GOLGA4: variants seen among roughly 807,000 people sequenced by gnomAD.
The protein encoded by GOLGA4 is golgin A4.
In GOLGA4, 169 loss-of-function variants were observed where a neutral mutation model predicts 265.9. The observed-to-expected ratio is 0.64, with a 90% CI of 0.56 to 0.72. The LOEUF (loss-of-function observed/expected upper bound fraction) is 0.72. Ranked by LOEUF, GOLGA4 falls within the 30% of genes least tolerant of loss-of-function variation. The pLI is 0.00. For missense variants in GOLGA4, 2,482 were observed against 2,483.4 expected (o/e 1.00, Z 0.01); for synonymous variants, 923 against 855.8 (o/e 1.08, Z -1.37).
chr3:37,335,237 C>T, intron 17 of GOLGA4, 71 bp downstream of exon 17: 1 of 791,386 alleles, frequency 1.3e-6, no homozygotes, highest in South Asian at 1.5e-5. Flanking sequence ...GACTAGCCTA[C>T]TAACATACAT....
intron 20 of GOLGA4, among the ~76,000 whole-genome samples, chr3:37,344,348 C>T (rs2097049121): frequency 1.3e-5 from 2 of 152,164 alleles, no homozygotes; most frequent in South Asian, 4.1e-4. Context: ...GTGATCCACC[C>T]GCCTTGGCCT....
intron 20 of GOLGA4, 44 bp downstream of exon 20, chr3:37,340,243 T>C: frequency 1.4e-6 from 1 of 704,270 alleles, no homozygotes. Flanking sequence ...TATCTTTTAT[T>C]GGTGGATTTG....
At chr3:37,304,729 A>G (rs978736488) in intron 10 of GOLGA4, among the ~76,000 whole-genome samples, 2 of 152,206 alleles carry the variant, frequency 1.3e-5, no homozygotes, top group African/African-American at 2.4e-5. Flanking sequence ...GACAAAATAT[A>G]TAGTTCATTT....
chr3:37,296,296 A>C, intron 7 of GOLGA4, 77 bp downstream of exon 7: 1 of 1,443,764 alleles, frequency 6.9e-7, no homozygotes, highest in Non-Finnish European at 9.6e-7. Context: ...CTTTAATCCC[A>C]ACACTTTGGG....
At chr3:37,316,452 G>A (rs574224307) in intron 11 of GOLGA4, among the ~76,000 whole-genome samples, 2 of 152,148 alleles carry the variant, frequency 1.3e-5, no homozygotes, top group Non-Finnish European at 2.9e-5. Context: ...ATTGAGGGGG[G>A]CAAATTATAT....
chr3:37,283,629 C>A (rs552763055), intron 3 of GOLGA4, among the ~76,000 whole-genome samples: 1 of 152,250 alleles, frequency 6.6e-6, no homozygotes, highest in East Asian at 1.9e-4. Context: ...AGCGATCCTT[C>A]AGCCTCAGCC....
rs139170803 is a variant in GOLGA4 at position 37,340,097 on chromosome 3, T to A, written c.6397-27T>A. The A allele has an allele frequency of 2.2e-6, 2 of 912,706 alleles. 1 individual carries two copies. Among genetic ancestry groups the A allele is most frequent in the South Asian group, 2.9e-5 (2 of 69,756 alleles). 56.5% of individuals were successfully genotyped at this position (912,706 alleles called of 1,614,324 possible). A position where few individuals can be genotyped will look rare whatever the true frequency, so the allele number is the denominator to read the frequency against. On this transcript the variant is annotated intron_variant, in intron 19 of 23. Coordinates refer to ENST00000361924, the MANE Select transcript of GOLGA4 (RefSeq NM_002078.5). ...ACATACAGTTTCCCTGTGAATCTTA[T>A]ATGGTCTGATTATTTGTTATTTTTA...
intron 10 of GOLGA4, among the ~76,000 whole-genome samples, chr3:37,310,280 CTTA>C (rs1466706328): frequency 6.6e-6 from 1 of 152,068 alleles, no homozygotes; most frequent in Non-Finnish European, 1.5e-5. Context: ...TCTGGCATTT[CTTA>C]TTATAATTGA....
At chr3:37,331,490 C>A (rs776710413) in intron 16 of GOLGA4, among the ~76,000 whole-genome samples, 3 of 152,170 alleles carry the variant, frequency 2.0e-5, no homozygotes, top group Non-Finnish European at 4.4e-5. Flanking sequence ...TCAGCAAACA[C>A]CATATTGCTT....
intron 10 of GOLGA4, among the ~76,000 whole-genome samples, chr3:37,311,701 G>A (rs2096923571): frequency 6.6e-6 from 1 of 152,102 alleles, no homozygotes; most frequent in Non-Finnish European, 1.5e-5. Flanking sequence ...GGGAGAGAGG[G>A]TTAAATTTAG....
chr3:37,258,543 G>T (rs1193435041), intron 2 of GOLGA4, among the ~76,000 whole-genome samples: 1 of 152,042 alleles, frequency 6.6e-6, no homozygotes, highest in Non-Finnish European at 1.5e-5. Context: ...GGCCACGCTG[G>T]CCTGGAATGC....
intron 2 of GOLGA4, chr3:37,273,444 G>GAT: frequency 1.5e-6 from 1 of 679,576 alleles, no homozygotes; most frequent in South Asian, 1.7e-5. Flanking sequence ...AAATGTATCT[G>GAT]ATAGGTCTTG....
At chr3:37,354,686 T>C (rs2097085553) in intron 21 of GOLGA4, among the ~76,000 whole-genome samples, 1 of 152,102 alleles carries the variant, frequency 6.6e-6, no homozygotes, top group African/African-American at 2.4e-5. Flanking sequence ...TTATGAGATA[T>C]ATGATGTGAT....
chr3:37,328,034 A>G (rs1040139135), intron 14 of GOLGA4, among the ~76,000 whole-genome samples: 3 of 152,098 alleles, frequency 2.0e-5, no homozygotes, highest in Non-Finnish European at 2.9e-5. Flanking sequence ...TAGGAGAGAA[A>G]AACCTTTTCT....
rs1578694373 is a variant in GOLGA4, at chr3:37,323,825, G to A, written c.1939G>A (p.Glu647Lys). The change falls in exon 14 of 24, where the codon GAA becomes AAA. Residue 647 changes from glutamate (E) to lysine (K), a missense_variant. Around this residue, in one of 3 missense-constraint regions of GOLGA4, gnomAD observed 1,536 missense variants for 1,483.7 expected, o/e 1.04. Coordinates refer to ENST00000361924, the MANE Select transcript of GOLGA4 (RefSeq NM_002078.5). ...TCAGACTGAAATGGAAAAACTTAGG[G>A]AAAAGTGTGAACAAGAAAAAGAAAC... ...QYQTEMEKLR[E>K]KCEQEKETLL... is the part of the protein sequence containing the mutation. 1.2e-6 allele frequency: 2 copies of A among 1,609,800 alleles called. No homozygotes were observed. Among genetic ancestry groups the A allele is most frequent in the Non-Finnish European group, 1.7e-6 (2 of 1,179,116 alleles).
intron 7 of GOLGA4, among the ~76,000 whole-genome samples, chr3:37,296,512 C>G (rs906117662): frequency 2.6e-5 from 4 of 152,110 alleles, no homozygotes; most frequent in Admixed American, 2.6e-4. Context: ...CAGAAAGATG[C>G]AAGGGTTTGT....
intron 21 of GOLGA4, among the ~76,000 whole-genome samples, chr3:37,349,330 A>C (rs190248096): frequency 1.3e-5 from 2 of 152,292 alleles, no homozygotes; most frequent in African/African-American, 4.8e-5. Context: ...AGACAGAAAC[A>C]GAGTCCTCAT....
chr3:37,284,454 A>G (rs931803135), intron 3 of GOLGA4, among the ~76,000 whole-genome samples: 5 of 152,018 alleles, frequency 3.3e-5, no homozygotes, highest in African/African-American at 9.7e-5. Context: ...GGGTTTCACC[A>G]TGTTGGCCAG....
At chr3:37,259,134 A>G (rs966622668) in intron 2 of GOLGA4, among the ~76,000 whole-genome samples, 6 of 152,164 alleles carry the variant, frequency 3.9e-5, no homozygotes, top group African/African-American at 1.4e-4. Flanking sequence ...TGTTCTGATA[A>G]CTAATTCAGT....
Sources: gnomAD v4.1 joint callset for allele counts (sites outside exome capture counted in the v4.1 genomes callset) on GRCh38, gnomAD v4.1.1 for gene constraint, gnomAD v4.1.1 regional missense constraint, MANE v1.5 for transcripts, NCBI Gene and HGNC (gene_info 2026-07-23, HGNC 2026-07-21) for gene names.